Variants in GRID2 observed in about 807,000 individuals in gnomAD.
GRID2 encodes the protein glutamate receptor ionotropic, delta-2.
Under a neutral mutation model 114.8 loss-of-function variants are expected in GRID2, and 33 were observed. The observed-to-expected ratio is 0.29, with a 90% CI of 0.22 to 0.38. The LOEUF is 0.38. Ranked by LOEUF, GRID2 falls within the 10% of genes least tolerant of loss-of-function variation. The pLI, the probability that GRID2 is intolerant of heterozygous loss-of-function variation, is 1.00. For missense variants in GRID2, 1,184 were observed against 1,257.7 expected, an observed-to-expected ratio of 0.94 and a Z score of 0.89; for synonymous variants, 505 against 449.9, an observed-to-expected ratio of 1.12 and a Z score of -1.55.
intron 1 of GRID2, among the ~76,000 whole-genome samples, chr4:92,368,797 A>T (rs1317367686): frequency 6.6e-6 from 1 of 152,096 alleles, no homozygotes; most frequent in Admixed American, 6.6e-5. Flanking sequence ...TATGACCTGA[A>T]GGAAAAATCA....
chr4:93,354,286 A>T (rs1761096958), intron 8 of GRID2, among the ~76,000 whole-genome samples: 1 of 151,970 alleles, frequency 6.6e-6, no homozygotes, highest in South Asian at 2.1e-4. Flanking sequence ...ATTTTTCATA[A>T]TTTCTTATAA....
intron 14 of GRID2, among the ~76,000 whole-genome samples, chr4:93,727,336 C>T (rs1431190323): frequency 2.0e-5 from 3 of 152,064 alleles, no homozygotes; most frequent in Non-Finnish European, 4.4e-5. Context: ...GGGATGAAGC[C>T]CACTTGATCA....
At chr4:93,472,679 G>A (rs901016408) in intron 11 of GRID2, among the ~76,000 whole-genome samples, 1 of 152,154 alleles carries the variant, frequency 6.6e-6, no homozygotes, top group African/African-American at 2.4e-5. Context: ...GAAAATGTTA[G>A]GGGCCAGATT....
intron 1 of GRID2, among the ~76,000 whole-genome samples, chr4:92,574,803 G>A (rs933369771): frequency 2.3e-4 from 35 of 151,840 alleles, no homozygotes; most frequent in African/African-American, 7.7e-4. Flanking sequence ...TGTGTCTTGG[G>A]GATGATCTTC....
rs1037011673 is a variant in GRID2 at position 92,440,112 on chromosome 4, A to C, written c.88+135368A>C. 1.8e-4 allele frequency among the ~76,000 whole-genome samples: 27 copies of C among 146,100 alleles called. 3 individuals are homozygous for C. The highest frequency in any genetic ancestry group is 7.7e-5 in the Non-Finnish European group (5 of 64,544). ...GACAGGCCTGAATTCTGAGAAACGAAAGTGGTAAAAGTATTGTCCAGTCCT... is the reference window on the plus strand; with the variant it reads ...GACAGGCCTGAATTCTGAGAAACGACAGTGGTAAAAGTATTGTCCAGTCCT... On this transcript the variant is annotated intron_variant, in intron 1 of 15. Coordinates refer to ENST00000282020, the MANE Select transcript of GRID2 (RefSeq NM_001510.4).
At chr4:92,917,518 A>G (rs191592378) in intron 2 of GRID2, among the ~76,000 whole-genome samples, 6 of 152,206 alleles carry the variant, frequency 3.9e-5, no homozygotes, top group Admixed American at 1.3e-4. Context: ...TCTTTAATCG[A>G]TCTTGAATTA....
At chr4:93,145,797 C>G (rs1479732503) in intron 4 of GRID2, among the ~76,000 whole-genome samples, 1 of 151,112 alleles carries the variant, frequency 6.6e-6, no homozygotes, top group African/African-American at 2.4e-5. Context: ...CCCACAGCAC[C>G]TGGTCTACTC....
intron 2 of GRID2, among the ~76,000 whole-genome samples, chr4:92,682,656 T>C (rs1733704499): frequency 6.6e-6 from 1 of 150,916 alleles, no homozygotes; most frequent in East Asian, 2.0e-4. Context: ...ATTGGTCATA[T>C]GTGGATGAGA....
intron 2 of GRID2, among the ~76,000 whole-genome samples, chr4:92,638,602 A>C (rs1220039099): frequency 6.7e-6 from 1 of 149,946 alleles, no homozygotes; most frequent in Non-Finnish European, 1.5e-5. Context: ...GAGAGTACTA[A>C]GTGAAATAAT....
chr4:93,806,126 A>G (rs984757202), intron 1 of GRID2, among the ~76,000 whole-genome samples: 1 of 152,202 alleles, frequency 6.6e-6, no homozygotes, highest in Non-Finnish European at 1.5e-5. Flanking sequence ...AAAAGCGTAT[A>G]TTCATATGGG....
Position 92,304,752 on chromosome 4 carries a change from A to C in GRID2, c.88+8A>C. On this transcript the variant is annotated splice_region_variant and intron_variant, in intron 1 of 15. Coordinates refer to ENST00000282020, the MANE Select transcript of GRID2 (RefSeq NM_001510.4). ...ATTCGATCATTCACATCGGTAAGAA[A>C]GTGTTGGTGCAGCTCGTGGTTACTT... is the stretch of plus-strand genomic sequence containing the variant. 1 of 1,591,730 alleles carries C rather than the reference A, an allele frequency of 6.3e-7. No individual in the cohort carries two copies. Among genetic ancestry groups the C allele is most frequent in the Non-Finnish European group, 8.6e-7 (1 of 1,159,522 alleles).
At chr4:92,545,929 T>A (rs1438801688) in intron 1 of GRID2, among the ~76,000 whole-genome samples, 2 of 152,174 alleles carry the variant, frequency 1.3e-5, no homozygotes, top group Non-Finnish European at 2.9e-5. Flanking sequence ...GTTCCCAAAT[T>A]TATTTTTCCT....
chr4:92,720,932 C>G (rs573009547), intron 2 of GRID2, among the ~76,000 whole-genome samples: 10 of 151,960 alleles, frequency 6.6e-5, no homozygotes, highest in Non-Finnish European at 1.3e-4. Context: ...AATGAACAAA[C>G]AAAATGTGGT....
At chr4:93,012,250 T>C (rs1217790436) in intron 2 of GRID2, among the ~76,000 whole-genome samples, 1 of 152,062 alleles carries the variant, frequency 6.6e-6, no homozygotes, top group African/African-American at 2.4e-5. Flanking sequence ...CACTTCCCTC[T>C]TTGCCCTCTC....
At chr4:92,802,447 T>C (rs181493303) in intron 2 of GRID2, among the ~76,000 whole-genome samples, 34 of 151,984 alleles carry the variant, frequency 2.2e-4, no homozygotes, top group Admixed American at 7.2e-4. Flanking sequence ...GTGCTTTGTG[T>C]ATTTATCACT....
rs1223067155 is a variant in GRID2, at chr4:92,530,332, G to T, written c.89-59799G>T. On this transcript the variant is annotated intron_variant, in intron 1 of 15. Coordinates refer to ENST00000282020, the MANE Select transcript of GRID2 (RefSeq NM_001510.4). ...TAAATAAGTCTCAGCATTACTAAAA[G>T]TAATGCCTTGTTGTGTGATGCAATA... is the stretch of plus-strand genomic sequence containing the variant. Among the ~76,000 whole-genome samples the T allele has an allele frequency of 7.2e-5, 11 of 151,834 alleles. 1 individual carries two copies. Among genetic ancestry groups the T allele is most frequent in the African/African-American group, 2.7e-4 (11 of 41,384 alleles).
intron 2 of GRID2, among the ~76,000 whole-genome samples, chr4:92,922,161 A>G (rs1015210216): frequency 1.3e-5 from 2 of 152,084 alleles, no homozygotes; most frequent in Admixed American, 6.6e-5. Flanking sequence ...GCGGGATATA[A>G]TCTCGTGGTG....
chr4:93,423,238 C>G, intron 10 of GRID2, among the ~76,000 whole-genome samples: 1 of 149,532 alleles, frequency 6.7e-6, no homozygotes, highest in East Asian at 2.0e-4. Context: ...AAGACCTTTT[C>G]TTTGCTCAAC....
Position 92,590,252 on chromosome 4 carries a change from T to G in GRID2, c.210T>G (p.Val70=). Residue 70 remains valine (V), a synonymous_variant, in exon 2 of 16, where the codon GTT becomes GTG. Transcript: ENST00000282020. ...TEKITFSVTF[V]DGNNPFQAVQ... ...AAATCACATTTTCAGTGACGTTTGT[T>G]GATGGCAACAACCCTTTCCAAGCAG... 1 of 1,613,720 alleles carries G rather than the reference T, an allele frequency of 6.2e-7. No homozygotes were observed. Among genetic ancestry groups the G allele is most frequent in the Non-Finnish European group, 8.5e-7 (1 of 1,179,700 alleles).
Sources: allele counts gnomAD v4.1 joint callset (sites outside exome capture counted in the v4.1 genomes callset), GRCh38; gene constraint gnomAD v4.1.1; transcripts MANE v1.5; gene names NCBI Gene and HGNC (gene_info 2026-07-23, HGNC 2026-07-21).